ANXA8: variants seen among roughly 807,000 people sequenced by gnomAD.
The protein encoded by ANXA8 is annexin A8.
In ANXA8, 9 loss-of-function variants were observed where a neutral mutation model predicts 26.8. That is an observed-to-expected ratio of 0.34 (90% CI 0.20 to 0.59). The LOEUF is 0.59. Ranked by LOEUF, ANXA8 falls within the 20% of genes least tolerant of loss-of-function variation. The pLI is 0.84. For missense variants in ANXA8, 83 were observed against 238.5 expected, an observed-to-expected ratio of 0.35 and a Z score of 4.29; for synonymous variants, 39 against 94.8, an observed-to-expected ratio of 0.41 and a Z score of 3.42.
the ANXA8 span, among the ~76,000 whole-genome samples, chr10:47,666,383 C>G: frequency 6.6e-6 from 1 of 150,830 alleles, no homozygotes; most frequent in African/African-American, 2.5e-5. Context: ...TGACAGCCAG[C>G]GTTGCTATAA....
the ANXA8 span, chr10:47,503,234 T>A: frequency 6.5e-7 from 1 of 1,545,590 alleles, no homozygotes; most frequent in Non-Finnish European, 8.7e-7. Context: ...TTTTTCCATG[T>A]CTTCAGCCAT....
chr10:47,942,088 A>T, the ANXA8 span, among the ~76,000 whole-genome samples: 3 of 147,558 alleles, frequency 2.0e-5, no homozygotes, highest in Admixed American at 6.7e-5. Flanking sequence ...AAATGCACTT[A>T]TACATTCACA....
the ANXA8 span, among the ~76,000 whole-genome samples, chr10:47,685,210 G>C: frequency 2.3e-4 from 35 of 151,232 alleles, 1 homozygote; most frequent in Non-Finnish European, 5.9e-5. Flanking sequence ...GCTGGGCATG[G>C]TGGTGCATGC....
chr10:47,988,506 C>T, the ANXA8 span, among the ~76,000 whole-genome samples: 2 of 115,762 alleles, frequency 1.7e-5, no homozygotes, highest in African/African-American at 3.1e-5. Context: ...CGGATCTGGC[C>T]TTGCCCTCAT....
At chr10:47,647,188 C>T in the ANXA8 span, among the ~76,000 whole-genome samples, 169 of 152,238 alleles carry the variant, frequency 1.1e-3, no homozygotes, top group African/African-American at 3.9e-3. Flanking sequence ...AGTTACAATC[C>T]TTATTATTTT....
chr10:47,954,263 C>A, the ANXA8 span, among the ~76,000 whole-genome samples: 45 of 150,954 alleles, frequency 3.0e-4, no homozygotes, highest in Non-Finnish European at 5.7e-4. Context: ...AATTAGAGGA[C>A]ATAATGTTAA....
At chr10:47,647,107 C>T in the ANXA8 span, among the ~76,000 whole-genome samples, 1 of 152,262 alleles carries the variant, frequency 6.6e-6, no homozygotes, top group Non-Finnish European at 1.5e-5. Flanking sequence ...AACATAAACA[C>T]TATTAACATC....
the ANXA8 span, chr10:47,564,816 G>A: frequency 1.0e-5 from 9 of 871,390 alleles, no homozygotes; most frequent in East Asian, 1.2e-4. Context: ...ACGCAGAATG[G>A]AATAAGCTAC....
At chr10:47,552,690 C>T in the ANXA8 span, among the ~76,000 whole-genome samples, 3 of 151,932 alleles carry the variant, frequency 2.0e-5, no homozygotes, top group Admixed American at 1.3e-4. Flanking sequence ...GTCACTGAAT[C>T]TGTGAGTTTT....
intron 1 of ANXA8, among the ~76,000 whole-genome samples, chr10:47,482,111 A>G (rs1588931366): frequency 7.3e-6 from 1 of 137,796 alleles, no homozygotes; most frequent in Non-Finnish European, 1.6e-5. Context: ...TGGCTCCCTC[A>G]TCTCCTCCCA....
the ANXA8 span, among the ~76,000 whole-genome samples, chr10:47,619,597 T>C: frequency 9.2e-5 from 11 of 120,116 alleles, 1 homozygote; most frequent in South Asian, 2.9e-3. Flanking sequence ...GTTAGAAAGA[T>C]TGGGGGTGAA....
At chr10:47,987,777 T>TTGGTCAAGGACAGAGG in the ANXA8 span, among the ~76,000 whole-genome samples, 3 of 137,936 alleles carry the variant, frequency 2.2e-5, no homozygotes, top group South Asian at 2.5e-4. Flanking sequence ...AACGATGTCC[T>TTGGTCAAGGACAGAGG]TGGTCAAGGA....
chr10:47,647,316 G>A, the ANXA8 span, among the ~76,000 whole-genome samples: 1 of 150,194 alleles, frequency 6.7e-6, no homozygotes, highest in Non-Finnish European at 1.5e-5. Context: ...TATATAGTTT[G>A]TTTTCACATT....
chr10:47,639,330 TGA>T, the ANXA8 span, among the ~76,000 whole-genome samples: 5 of 123,002 alleles, frequency 4.1e-5, no homozygotes, highest in African/African-American at 6.5e-5. Flanking sequence ...TTTTTTTTTT[TGA>T]GACGGAGTCT....
chr10:47,659,473 A>G, the ANXA8 span, among the ~76,000 whole-genome samples: 2 of 151,434 alleles, frequency 1.3e-5, no homozygotes, highest in Admixed American at 1.3e-4. Flanking sequence ...TGAGGTCAGG[A>G]GTTCGAGACC....
chr10:47,954,399 G>T, the ANXA8 span, among the ~76,000 whole-genome samples: 14 of 151,232 alleles, frequency 9.3e-5, no homozygotes, highest in Non-Finnish European at 1.6e-4. Context: ...GCTGGGAAAA[G>T]GTTGTGGGTG....
chr10:47,663,392 T>A, the ANXA8 span, among the ~76,000 whole-genome samples: 18 of 45,930 alleles, frequency 3.9e-4, no homozygotes, highest in East Asian at 5.3e-3. Context: ...TAAAAAAAAT[T>A]TTTTTTTTTT....
the ANXA8 span, among the ~76,000 whole-genome samples, chr10:47,607,416 A>C: frequency 0.012 from 1,731 of 149,708 alleles, 62 homozygotes; most frequent in African/African-American, 0.041. Context: ...GCCTTCATTC[A>C]CTCGAATCTA....
At chr10:47,715,457 AT>A in the ANXA8 span, among the ~76,000 whole-genome samples, 984 of 110,284 alleles carry the variant, frequency 8.9e-3, no homozygotes, top group African/African-American at 0.032. Context: ...GAAAAAAAAA[AT>A]AATAATAATA....
Sources: gnomAD v4.1 joint callset for allele counts (sites outside exome capture counted in the v4.1 genomes callset) on GRCh38, gnomAD v4.1.1 for gene constraint, MANE v1.5 for transcripts, NCBI Gene and HGNC (gene_info 2026-07-23, HGNC 2026-07-21) for gene names.